Variants in DNAH7 observed in about 807,000 individuals in gnomAD.
DNAH7 encodes axonemal beta dynein heavy chain 7.
Under a neutral mutation model 444.6 loss-of-function variants are expected in DNAH7, and 397 were observed. That is an observed-to-expected ratio of 0.89 (90% CI 0.82 to 0.97). DNAH7 has a LOEUF of 0.97. Ranked by LOEUF, DNAH7 falls within the 50% of genes least tolerant of loss-of-function variation. DNAH7 has a pLI of 0.00. For synonymous variants in DNAH7, 1,636 were observed against 1,624.4 expected, an observed-to-expected ratio of 1.01 and a Z score of -0.17; for missense variants, 4,902 against 4,800.8, an observed-to-expected ratio of 1.02 and a Z score of -0.62.
At chr2:195,790,981 A>T (rs1695851004) in intron 57 of DNAH7, among the ~76,000 whole-genome samples, 1 of 152,344 alleles carries the variant, frequency 6.6e-6, no homozygotes, top group East Asian at 1.9e-4. Flanking sequence ...TAAGGAACTT[A>T]AACAATTTAG....
At chr2:195,916,409 A>T (rs1047197274) in intron 24 of DNAH7, among the ~76,000 whole-genome samples, 1 of 152,184 alleles carries the variant, frequency 6.6e-6, no homozygotes, top group Non-Finnish European at 1.5e-5. Flanking sequence ...TCAGTCAGAC[A>T]TAAGTAGGGC....
intron 52 of DNAH7, among the ~76,000 whole-genome samples, 172 bp downstream of exon 52, chr2:195,809,573 C>T (rs1044373080): frequency 2.0e-5 from 3 of 152,094 alleles, no homozygotes; most frequent in African/African-American, 7.2e-5. Flanking sequence ...TAATTTATAT[C>T]TCACTTCTGT....
intron 40 of DNAH7, 50 bp downstream of exon 40, chr2:195,872,200 G>T: frequency 2.2e-6 from 3 of 1,386,914 alleles, no homozygotes; most frequent in Non-Finnish European, 3.0e-6. Flanking sequence ...TGTTGGCATG[G>T]CAAATCTTTG....
intron 21 of DNAH7, among the ~76,000 whole-genome samples, chr2:195,929,405 G>C (rs563036822): frequency 8.5e-5 from 13 of 152,168 alleles, no homozygotes; most frequent in African/African-American, 2.9e-4. Context: ...ACAAGAGCCT[G>C]AACAGCCAAA....
chr2:196,048,323 A>G lies in DNAH7; in HGVS notation c.223T>C (p.Phe75Leu). Residue 75 changes from phenylalanine (F) to leucine (L), a missense_variant, in exon 4 of 65, where the codon TTT (phenylalanine) becomes CTT (leucine). Transcript: ENST00000312428. ...VKQDDESPEP[F>L]SVKNEQSHAE... ...TGGGACTGTTCATTTTTAACACTAAATGGTTCTGGACTCTCATCATCCTGC... is the reference window on the plus strand; with the variant it reads ...TGGGACTGTTCATTTTTAACACTAAGTGGTTCTGGACTCTCATCATCCTGC... 6.2e-7 allele frequency: 1 copy of G among 1,613,684 alleles called. No homozygotes were observed. Among genetic ancestry groups the G allele is most frequent in the South Asian group, 1.1e-5 (1 of 91,008 alleles).
intron 46 of DNAH7, among the ~76,000 whole-genome samples, chr2:195,852,476 T>A (rs1420061384): frequency 6.6e-6 from 1 of 152,224 alleles, no homozygotes; most frequent in Non-Finnish European, 1.5e-5. Flanking sequence ...CCTTCTTTTA[T>A]TCTCATTATC....
intron 45 of DNAH7, 83 bp downstream of exon 45, chr2:195,855,727 CT>C: frequency 2.8e-6 from 4 of 1,444,702 alleles, no homozygotes; most frequent in Non-Finnish European, 3.8e-6. Flanking sequence ...GGAAACAGGA[CT>C]GGTGTGTTAT....
chr2:195,776,412 C>A (rs1289379025), intron 59 of DNAH7, among the ~76,000 whole-genome samples: 1 of 151,436 alleles, frequency 6.6e-6, no homozygotes, highest in South Asian at 2.1e-4. Flanking sequence ...CATTACACTC[C>A]AGCCTGGGCG....
Position 195,906,989 on chromosome 2 carries a change from G to C in DNAH7, c.4125C>G (p.Ala1375=). ...KFFKGLLSCG[A]WACFDEFNRI... ...TGTTAAACTCATCAAAGCAAGCCCA[G>C]GCTCCACAAGATAACAGTCCCTATG... The change falls in exon 26 of 65, where the codon GCC becomes GCG. Residue 1375 remains alanine (A), a synonymous_variant. Coordinates refer to ENST00000312428, the MANE Select transcript of DNAH7 (RefSeq NM_018897.3). 1 of 1,612,556 alleles carries C rather than the reference G, an allele frequency of 6.2e-7. No homozygotes were observed. Among genetic ancestry groups the C allele is most frequent in the Non-Finnish European group, 8.5e-7 (1 of 1,179,236 alleles).
chr2:195,760,277 C>A (rs1694289630), intron 61 of DNAH7, among the ~76,000 whole-genome samples: 1 of 152,138 alleles, frequency 6.6e-6, no homozygotes, highest in African/African-American at 2.4e-5. Context: ...CAGGTGAATT[C>A]TTAAGGTTTC....
chr2:195,901,860 T>A (rs1686733011), intron 27 of DNAH7: 1 of 152,190 alleles, frequency 6.6e-6, no homozygotes, highest in Non-Finnish European at 1.5e-5. Flanking sequence ...TTTCTCATGA[T>A]ATTTAAAATA....
chr2:195,756,268 A>G lies in DNAH7; in HGVS notation c.11451T>C (p.Ser3817=). The G allele has an allele frequency of 6.2e-7, 1 of 1,612,220 alleles. No individual in the cohort carries two copies. The highest frequency in any genetic ancestry group is 8.5e-7 in the Non-Finnish European group (1 of 1,178,832). Residue 3817 remains serine, a synonymous_variant, in exon 62 of 65, where the codon TCT becomes TCC. Coordinates refer to ENST00000312428, the MANE Select transcript of DNAH7 (RefSeq NM_018897.3). ...QKAIKGLAVM[S]TDLEEVVSSI... ...TGCTAACCACTTCTTCAAGATCTGT[A>G]GACATGACTGCAAGCCCCTGAAACA... is the stretch of plus-strand genomic sequence containing the variant.
At chr2:195,983,893 G>T (rs1692733537) in intron 15 of DNAH7, among the ~76,000 whole-genome samples, 1 of 152,106 alleles carries the variant, frequency 6.6e-6, no homozygotes, top group South Asian at 2.1e-4. Flanking sequence ...AGGCTTCCCG[G>T]GACAGTCCTG....
Position 195,809,748 on chromosome 2 carries a change from C to A in DNAH7, c.9885G>T (p.Arg3295=), listed in dbSNP as rs1196757241. ...TACAAATGAAAACAGTACTGACCGC[C>A]CGCTCATGCAGCAGTAGATTTATGG... The part of the protein sequence containing the change: ...CLTINLLLHE[R]AINKAEWRFL... Residue 3295 remains arginine (R), a synonymous_variant, in exon 52 of 65, where the codon CGG becomes CGT. Coordinates refer to ENST00000312428, the MANE Select transcript of DNAH7 (RefSeq NM_018897.3). 1.9e-6 allele frequency: 3 copies of A among 1,580,508 alleles called. No individual in the cohort carries two copies. Among genetic ancestry groups the A allele is most frequent in the East Asian group, 2.3e-5 (1 of 43,512 alleles).
At chr2:195,759,025 CG>C (rs956025722) in intron 61 of DNAH7, among the ~76,000 whole-genome samples, 1 of 152,202 alleles carries the variant, frequency 6.6e-6, no homozygotes, top group East Asian at 1.9e-4. Flanking sequence ...TAGTGGCTTG[CG>C]GGGGGCATGC....
At chr2:195,821,773 C>T (rs1318609559) in intron 49 of DNAH7, among the ~76,000 whole-genome samples, 5 of 152,192 alleles carry the variant, frequency 3.3e-5, no homozygotes, top group Non-Finnish European at 7.4e-5. Context: ...GCTTTAGCCT[C>T]CACATCTCTG....
chr2:195,998,497 A>G (rs1425971743), intron 12 of DNAH7, among the ~76,000 whole-genome samples: 1 of 151,512 alleles, frequency 6.6e-6, no homozygotes, highest in Non-Finnish European at 1.5e-5. Context: ...AATGGTGTGA[A>G]CCAAGGAGGC....
chr2:195,943,844 A>G (rs1689626405), intron 19 of DNAH7, among the ~76,000 whole-genome samples: 2 of 152,204 alleles, frequency 1.3e-5, no homozygotes, highest in Non-Finnish European at 1.5e-5. Context: ...ACATAGTGGC[A>G]TATGCCGGTT....
intron 51 of DNAH7, among the ~76,000 whole-genome samples, chr2:195,815,289 T>C (rs1351670257): frequency 6.6e-6 from 1 of 152,088 alleles, no homozygotes; most frequent in Admixed American, 6.5e-5. Flanking sequence ...ACGCAATGCA[T>C]TTCTTCCAAA....
Sources: gnomAD v4.1 joint callset for allele counts (sites outside exome capture counted in the v4.1 genomes callset) on GRCh38, gnomAD v4.1.1 for gene constraint, MANE v1.5 for transcripts, NCBI Gene and HGNC (gene_info 2026-07-23, HGNC 2026-07-21) for gene names.